IGFBP7: variants seen among roughly 807,000 people sequenced by gnomAD.
IGFBP7 encodes the protein insulin-like growth factor-binding protein 7.
Under a neutral mutation model 29.4 loss-of-function variants are expected in IGFBP7, and 31 were observed. The ratio of observed to expected loss-of-function variants is 1.05; its 90% CI spans 0.79 to 1.42. The LOEUF (loss-of-function observed/expected upper bound fraction) is 1.42. IGFBP7 is among the 40% of genes most tolerant of loss of function. The pLI, the probability that IGFBP7 is intolerant of heterozygous loss-of-function variation, is 0.00. For synonymous variants in IGFBP7, 172 were observed against 174.9 expected, an observed-to-expected ratio of 0.98 and a Z score of 0.13; for missense variants, 393 against 395.5, an observed-to-expected ratio of 0.99 and a Z score of 0.05.
chr4:57,049,169 C>A (rs1164821135), intron 1 of IGFBP7, among the ~76,000 whole-genome samples: 1 of 151,302 alleles, frequency 6.6e-6, no homozygotes, highest in African/African-American at 2.4e-5. Flanking sequence ...AAAGGTATCA[C>A]CCTTTACCCA....
At chr4:57,080,769 C>T (rs566604765) in intron 1 of IGFBP7, among the ~76,000 whole-genome samples, 6 of 152,288 alleles carry the variant, frequency 3.9e-5, no homozygotes, top group African/African-American at 4.8e-5. Flanking sequence ...CTATGCCTAC[C>T]GTGCACACCG....
chr4:57,039,136 C>T (rs1175480530), intron 2 of IGFBP7, among the ~76,000 whole-genome samples: 1 of 149,694 alleles, frequency 6.7e-6, no homozygotes, highest in Non-Finnish European at 1.5e-5. Context: ...TAGTTGATGG[C>T]AAATAAGTGT....
At chr4:57,084,077 T>C (rs1725438464) in intron 1 of IGFBP7, among the ~76,000 whole-genome samples, 1 of 152,204 alleles carries the variant, frequency 6.6e-6, no homozygotes, top group Non-Finnish European at 1.5e-5. Context: ...CTACCACTCA[T>C]TTTATGTGTT....
At chr4:57,095,136 C>T (rs73242647) in intron 1 of IGFBP7, among the ~76,000 whole-genome samples, 11,652 of 152,238 alleles carry the variant, frequency 0.077, 579 homozygotes, top group South Asian at 0.13. Flanking sequence ...ATGGAAAATA[C>T]GGGTGTTAGA....
At chr4:57,109,079 T>C (rs922688590) in intron 1 of IGFBP7, among the ~76,000 whole-genome samples, 3 of 152,144 alleles carry the variant, frequency 2.0e-5, no homozygotes, top group Non-Finnish European at 4.4e-5. Context: ...CACAAATAAT[T>C]AGCTAGTTAG....
intron 1 of IGFBP7, among the ~76,000 whole-genome samples, chr4:57,104,486 G>A (rs1340893709): frequency 1.3e-5 from 2 of 152,142 alleles, no homozygotes; most frequent in Non-Finnish European, 2.9e-5. Context: ...CATTTAATTT[G>A]AAACCCCTTT....
At chr4:57,036,167 G>A (rs996541362) in intron 2 of IGFBP7, among the ~76,000 whole-genome samples, 2 of 152,168 alleles carry the variant, frequency 1.3e-5, no homozygotes, top group East Asian at 1.9e-4. Context: ...TGAGAAAAGC[G>A]AGTTTCAGAA....
intron 1 of IGFBP7, chr4:57,072,807 C>G: frequency 1.8e-6 from 1 of 558,492 alleles, no homozygotes; most frequent in Non-Finnish European, 3.5e-6. Context: ...GCAGCTGGCA[C>G]AGCATATGAA....
chr4:57,082,461 A>G (rs1435231504), intron 1 of IGFBP7, among the ~76,000 whole-genome samples: 1 of 152,116 alleles, frequency 6.6e-6, no homozygotes, highest in Non-Finnish European at 1.5e-5. Context: ...CTGAAATATC[A>G]CCCCAGAATC....
At chr4:57,056,471 C>T (rs1724676756) in intron 1 of IGFBP7, among the ~76,000 whole-genome samples, 1 of 152,072 alleles carries the variant, frequency 6.6e-6, no homozygotes, top group Non-Finnish European at 1.5e-5. Context: ...TGAGAAGGTG[C>T]TAGATGTGGG....
At chr4:57,055,195 A>G (rs1724626791) in intron 1 of IGFBP7, among the ~76,000 whole-genome samples, 2 of 152,178 alleles carry the variant, frequency 1.3e-5, no homozygotes, top group South Asian at 4.1e-4. Flanking sequence ...ACTGGCCTCT[A>G]GGAAGGATTC....
At chr4:57,078,094 C>A (rs1347927483) in intron 1 of IGFBP7, among the ~76,000 whole-genome samples, 2 of 152,108 alleles carry the variant, frequency 1.3e-5, no homozygotes, top group Non-Finnish European at 2.9e-5. Context: ...TCTTTTCCCC[C>A]CTCAACTCAT....
intron 1 of IGFBP7, among the ~76,000 whole-genome samples, chr4:57,043,017 T>C (rs1011564960): frequency 1.3e-5 from 2 of 152,220 alleles, no homozygotes; most frequent in East Asian, 1.9e-4. Flanking sequence ...AGCCAACAGA[T>C]ACCGAGAGAG....
At chr4:57,098,565 C>G (rs975287993) in intron 1 of IGFBP7, among the ~76,000 whole-genome samples, 1 of 152,194 alleles carries the variant, frequency 6.6e-6, no homozygotes, top group African/African-American at 2.4e-5. Flanking sequence ...AGGCTCTGAT[C>G]TGAGACACAA....
In IGFBP7 at chr4:57,109,987, C is replaced by T. The variant is rs1208801944; in HGVS notation, c.365G>A (p.Ser122Asn). 1 of 1,545,768 alleles carries T rather than the reference C, an allele frequency of 6.5e-7. No individual in the cohort carries two copies. Among genetic ancestry groups the T allele is most frequent in the Non-Finnish European group, 8.7e-7 (1 of 1,151,452 alleles). Reference sequence around the variant, plus strand: ...GCCGCTCGGGTAGGTGGTGCCGTCGCTGCCGCACACCGGGTAGCGGCTCTT... The same window carrying T: ...GCCGCTCGGGTAGGTGGTGCCGTCGTTGCCGCACACCGGGTAGCGGCTCTT... ...VCKSRYPVCG[S>N]DGTTYPSGCQ... is the part of the protein sequence containing the mutation. The change falls in exon 1 of 5, where the codon AGC (serine) becomes AAC (asparagine). Residue 122 changes from serine (S) to asparagine (N), a missense_variant. Coordinates refer to ENST00000295666, the MANE Select transcript of IGFBP7 (RefSeq NM_001553.3).
intron 1 of IGFBP7, among the ~76,000 whole-genome samples, chr4:57,084,636 CA>C (rs925186849): frequency 4.6e-5 from 7 of 152,054 alleles, no homozygotes; most frequent in African/African-American, 1.7e-4. Context: ...AGGCACTGCC[CA>C]AAAATGGCTT....
chr4:57,065,486 C>T (rs1233469424), intron 1 of IGFBP7: 1 of 152,208 alleles, frequency 6.6e-6, no homozygotes, highest in African/African-American at 2.4e-5. Flanking sequence ...GAAAGTGACT[C>T]ACTCTTGACG....
chr4:57,032,417 AT>A lies in IGFBP7; in HGVS notation c.829+8del. ...TCATTTTTAAATGGCTGTGAGATTTATTGTGTACCTTTTTTCACTGGTATTT... is the reference window on the plus strand; with the variant it reads ...TCATTTTTAAATGGCTGTGAGATTTATGTGTACCTTTTTTCACTGGTATTT... On this transcript the variant is annotated splice_region_variant and intron_variant, in intron 4 of 4. Coordinates refer to ENST00000295666, the MANE Select transcript of IGFBP7 (RefSeq NM_001553.3). 3 of 1,613,680 alleles carry A rather than the reference AT, an allele frequency of 1.9e-6. No homozygotes were observed. Among genetic ancestry groups the A allele is most frequent in the Non-Finnish European group, 2.5e-6 (3 of 1,179,712 alleles).
At chr4:57,046,308 G>A (rs765723387) in intron 1 of IGFBP7, among the ~76,000 whole-genome samples, 7 of 150,054 alleles carry the variant, frequency 4.7e-5, no homozygotes, top group Non-Finnish European at 1.0e-4. Context: ...GGTCTGTCCT[G>A]CAATTCAATC....
Sources: allele counts gnomAD v4.1 joint callset (sites outside exome capture counted in the v4.1 genomes callset), GRCh38; gene constraint gnomAD v4.1.1; transcripts MANE v1.5; gene names NCBI Gene and HGNC (gene_info 2026-07-23, HGNC 2026-07-21).